The following KCNN3 variants were observed in gnomAD, a reference collection of about 807,000 sequenced individuals.
KCNN3 encodes small conductance calcium-activated potassium channel protein 3.
In KCNN3, 16 loss-of-function variants were observed where a neutral mutation model predicts 62.9. That is an observed-to-expected ratio of 0.25 (90% CI 0.17 to 0.39). The LOEUF is 0.39. KCNN3 is among the 10% of genes least tolerant of loss of function. The probability of loss-of-function intolerance (pLI) is 1.00; values close to 1 mark genes in which losing one functional copy is unlikely to be tolerated. For synonymous variants in KCNN3, 370 were observed against 389.2 expected (o/e 0.95, Z 0.58); for missense variants, 599 against 949.4 (o/e 0.63, Z 4.85).
At chr1:154,844,840 T>C (rs1651982933) in intron 1 of KCNN3, among the ~76,000 whole-genome samples, 1 of 152,064 alleles carries the variant, frequency 6.6e-6, no homozygotes, top group Non-Finnish European at 1.5e-5. Context: ...ACCCCGCCTC[T>C]ACTAAAAACA....
At chr1:154,758,824 T>TTG (rs143684112) in intron 3 of KCNN3, among the ~76,000 whole-genome samples, 41 of 152,098 alleles carry the variant, frequency 2.7e-4, no homozygotes, top group African/African-American at 6.5e-4. Flanking sequence ...GTTTTTGTTT[T>TTG]TGAGATGGAG....
intron 1 of KCNN3, among the ~76,000 whole-genome samples, chr1:154,857,925 G>A (rs925892767): frequency 5.9e-5 from 9 of 152,172 alleles, no homozygotes; most frequent in Non-Finnish European, 8.8e-5. Flanking sequence ...AAGTTCCCAT[G>A]TAATGAGAGC....
At chr1:154,755,722 G>GAA in intron 3 of KCNN3, among the ~76,000 whole-genome samples, 1 of 149,802 alleles carries the variant, frequency 6.7e-6, no homozygotes, top group South Asian at 2.1e-4. Context: ...AGAGGAAGAA[G>GAA]GAAAAGGAGA....
At chr1:154,833,389 C>G (rs965171595) in intron 1 of KCNN3, among the ~76,000 whole-genome samples, 5 of 152,180 alleles carry the variant, frequency 3.3e-5, no homozygotes, top group African/African-American at 1.2e-4. Context: ...TAAAGAACAG[C>G]CTCGTCCGTG....
intron 2 of KCNN3, among the ~76,000 whole-genome samples, chr1:154,780,909 G>A (rs1649015119): frequency 6.6e-6 from 1 of 152,178 alleles, no homozygotes; most frequent in African/African-American, 2.4e-5. Flanking sequence ...GCCTTGTCAG[G>A]GAAGTCTATG....
chr1:154,734,709 G>A (rs1356768477), intron 3 of KCNN3, among the ~76,000 whole-genome samples: 5 of 152,354 alleles, frequency 3.3e-5, no homozygotes, highest in African/African-American at 1.2e-4. Context: ...GCAAGAGCAT[G>A]GTATGACGGA....
chr1:154,785,946 C>T (rs883319), intron 2 of KCNN3, among the ~76,000 whole-genome samples: 30,562 of 152,018 alleles, frequency 0.2, 3,157 homozygotes, highest in Middle Eastern at 0.25. Context: ...CTCACAATAG[C>T]CCCATAAGAA....
At chr1:154,843,942 G>A (rs898624763) in intron 1 of KCNN3, among the ~76,000 whole-genome samples, 7 of 152,290 alleles carry the variant, frequency 4.6e-5, no homozygotes, top group African/African-American at 1.2e-4. Context: ...CACAGGGTGC[G>A]GTGCCCCTGC....
At chr1:154,721,089 G>A (rs1235117303) in intron 5 of KCNN3, among the ~76,000 whole-genome samples, 1 of 152,126 alleles carries the variant, frequency 6.6e-6, no homozygotes, top group Non-Finnish European at 1.5e-5. Flanking sequence ...TGAATTCATG[G>A]GGAAGTGTAC....
intron 3 of KCNN3, among the ~76,000 whole-genome samples, chr1:154,740,453 A>G (rs1557951308): frequency 6.6e-6 from 1 of 152,222 alleles, no homozygotes; most frequent in Non-Finnish European, 1.5e-5. Context: ...CAGCCCAAAC[A>G]TTCTTAATCA....
intron 3 of KCNN3, among the ~76,000 whole-genome samples, chr1:154,753,684 G>A (rs546817063): frequency 3.9e-5 from 6 of 152,314 alleles, no homozygotes; most frequent in South Asian, 2.1e-4. Flanking sequence ...TGGGTTCCCC[G>A]TCCTGCCTGC....
At position 154,862,062 on chromosome 1, in the gene KCNN3, C is replaced by T. The variant is rs1652791171; in HGVS notation, c.933+6970G>A. 6.6e-6 allele frequency among the ~76,000 whole-genome samples: 1 copy of T among 152,148 alleles called. No homozygotes were observed. The highest frequency in any genetic ancestry group is 1.5e-5 in the Non-Finnish European group (1 of 68,032). On this transcript the variant is annotated intron_variant, in intron 1 of 7. Coordinates refer to ENST00000271915, the MANE Select transcript of KCNN3 (RefSeq NM_002249.6). The surrounding 1 kb of genome is among the most constrained non-coding windows in gnomAD (Gnocchi z 4.1). ...ATGGGACTCAAGAATGAAAAAGAAA[C>T]TTCTAGAACCAGGAATGGAGAAGCC...
chr1:154,782,592 G>A (rs1649095824), intron 2 of KCNN3, among the ~76,000 whole-genome samples: 1 of 152,186 alleles, frequency 6.6e-6, no homozygotes, highest in Non-Finnish European at 1.5e-5. Context: ...CAGTTACATT[G>A]GAGGTTAGGG....
At position 154,703,259 on chromosome 1, in the gene KCNN3, T is replaced by C. The variant is rs1355589150; in HGVS notation, c.*4717A>G. ...TACTATTGCGATCCCTGTAAACTCC[T>C]TTCTCAGTGGTGTTAATGATCCCAT... On this transcript the variant is annotated 3_prime_UTR_variant, in exon 8 of 8. Coordinates refer to ENST00000271915, the MANE Select transcript of KCNN3 (RefSeq NM_002249.6). 2.0e-5 allele frequency: 3 copies of C among 152,146 alleles called. No individual in the cohort carries two copies. Among genetic ancestry groups the C allele is most frequent in the African/African-American group, 7.2e-5 (3 of 41,424 alleles). 9.4% of individuals were successfully genotyped at this position (152,146 alleles called of 1,614,324 possible).
At chr1:154,863,481 C>T (rs1652842869) in intron 1 of KCNN3, among the ~76,000 whole-genome samples, 1 of 152,146 alleles carries the variant, frequency 6.6e-6, no homozygotes, top group South Asian at 2.1e-4. Flanking sequence ...AGTGGTATTT[C>T]ATCAATATAC....
At chr1:154,780,033 T>C (rs940418556) in intron 2 of KCNN3, among the ~76,000 whole-genome samples, 1 of 152,056 alleles carries the variant, frequency 6.6e-6, no homozygotes, top group East Asian at 1.9e-4. Flanking sequence ...AGCTGCAATC[T>C]CTGCAGGGCC....
chr1:154,744,063 T>C (rs1353033225), intron 3 of KCNN3, among the ~76,000 whole-genome samples: 1 of 152,164 alleles, frequency 6.6e-6, no homozygotes, highest in African/African-American at 2.4e-5. Context: ...TCCCGAGTCA[T>C]TCTTCTCCAC....
intron 1 of KCNN3, among the ~76,000 whole-genome samples, chr1:154,858,089 A>C (rs1307463347): frequency 6.6e-6 from 1 of 152,142 alleles, no homozygotes; most frequent in Non-Finnish European, 1.5e-5. Flanking sequence ...CATCGCTGGC[A>C]CATAGTGTGC....
At chr1:154,738,797 C>A (rs1391585238) in intron 3 of KCNN3, among the ~76,000 whole-genome samples, 2 of 152,180 alleles carry the variant, frequency 1.3e-5, no homozygotes, top group East Asian at 1.9e-4. Context: ...CAAACACGAT[C>A]ATTAACAACT....
Sources: gnomAD v4.1 joint callset for allele counts (sites outside exome capture counted in the v4.1 genomes callset) on GRCh38, gnomAD v4.1.1 for gene constraint, Gnocchi (gnomAD v3.1) non-coding constraint, MANE v1.5 for transcripts, NCBI Gene and HGNC (gene_info 2026-07-23, HGNC 2026-07-21) for gene names.